The following IGHMBP2 variants were observed in gnomAD, a reference collection of about 807,000 sequenced individuals.
IGHMBP2 encodes the protein DNA-binding protein SMUBP-2.
In IGHMBP2, 81 loss-of-function variants were observed where a neutral mutation model predicts 96.0. The ratio of observed to expected loss-of-function variants is 0.84; its 90% CI spans 0.71 to 1.01. The LOEUF (loss-of-function observed/expected upper bound fraction) is 1.01, where lower values mean the gene tolerates loss of function less well. Ranked by LOEUF, IGHMBP2 falls within the 50% of genes least tolerant of loss-of-function variation. IGHMBP2 has a pLI of 0.00. For synonymous variants in IGHMBP2, 557 were observed against 548.9 expected (o/e 1.01, Z -0.21); for missense variants, 1,227 against 1,306.3 (o/e 0.94, Z 0.94).
chr11:68,939,466 TA>T (rs1859667031), intron 14 of IGHMBP2, 67 bp from the exon 15 acceptor site: 11 of 1,541,902 alleles, frequency 7.1e-6, no homozygotes, highest in Middle Eastern at 2.3e-4. Context: ...AGCTCTTTGA[TA>T]GGCAGAGCTG....
intron 8 of IGHMBP2, among the ~76,000 whole-genome samples, chr11:68,931,725 G>A (rs1182421857): frequency 6.6e-6 from 1 of 152,188 alleles, no homozygotes. Context: ...GAGGACAGGC[G>A]TGGGAGGACG....
intron 1 of IGHMBP2, among the ~76,000 whole-genome samples, chr11:68,904,727 G>T (rs1299204662): frequency 6.6e-6 from 1 of 151,838 alleles, no homozygotes; most frequent in Admixed American, 6.6e-5. Context: ...TAACACTTAC[G>T]TACTTTCCAT....
chr11:68,934,453 T>G lies in IGHMBP2; in HGVS notation c.1538-11T>G, dbSNP rs1308113419. 6.3e-7 allele frequency: 1 copy of G among 1,598,764 alleles called. No individual in the cohort carries two copies. Among genetic ancestry groups the G allele is most frequent in the East Asian group, 2.3e-5 (1 of 44,218 alleles). ...CCTTGTGCTGCTCACCCGTTCTTTC[T>G]TTCCCTCCAGGCGAAGTCCGCCTCG... is the stretch of plus-strand genomic sequence containing the variant. On this transcript the variant is annotated splice_polypyrimidine_tract_variant and intron_variant, in intron 10 of 14. Transcript: ENST00000255078.
chr11:68,912,281 G>A (rs1480037605), intron 5 of IGHMBP2, among the ~76,000 whole-genome samples: 5 of 151,968 alleles, frequency 3.3e-5, no homozygotes, highest in South Asian at 2.1e-4. Flanking sequence ...ATAGGCGTGC[G>A]CCACCATGCC....
At chr11:68,913,467 C>T (rs1858525090) in intron 5 of IGHMBP2, among the ~76,000 whole-genome samples, 1 of 151,986 alleles carries the variant, frequency 6.6e-6, no homozygotes, top group Admixed American at 6.5e-5. Flanking sequence ...ACTCTGCCTC[C>T]TCTGCTGGTT....
chr11:68,931,996 G>A (rs184528103), intron 8 of IGHMBP2, among the ~76,000 whole-genome samples: 84 of 146,710 alleles, frequency 5.7e-4, no homozygotes, highest in African/African-American at 2.0e-3. Context: ...GTTGGGTGGT[G>A]TTCCCTGGAG....
At chr11:68,936,173 G>T in intron 12 of IGHMBP2, 64 bp from the exon 13 acceptor site, 2 of 1,583,606 alleles carry the variant, frequency 1.3e-6, no homozygotes, top group Non-Finnish European at 1.7e-6. Flanking sequence ...TGATAAGGGC[G>T]TAGGAGCCTG....
intron 14 of IGHMBP2, among the ~76,000 whole-genome samples, chr11:68,938,566 G>A (rs1389127856): frequency 1.3e-5 from 2 of 152,240 alleles, no homozygotes; most frequent in African/African-American, 2.4e-5. Context: ...TTGCTGAGCT[G>A]CAGCCACGTT....
chr11:68,930,045 T>G, intron 8 of IGHMBP2: 1 of 1,098,464 alleles, frequency 9.1e-7, no homozygotes. Context: ...CGCTGGCCCC[T>G]CTGCCTGGAC....
At position 68,908,659 on chromosome 11, in the gene IGHMBP2, G is replaced by C. The variant is rs897961352; in HGVS notation, c.547+28G>C. 3.4e-6 allele frequency: 5 copies of C among 1,485,540 alleles called. No individual in the cohort carries two copies. In the African/African-American group the frequency reaches 5.5e-5, roughly 16 times the overall value. The allele number at this position is 1,485,540 out of a possible 1,614,324, so 92.0% of individuals were successfully genotyped here. ...AAGAACTTCTGAGTTTTCTTTTTTG[G>C]TTGAAATCACTACTGAAAGTATAGA... On this transcript the variant is annotated intron_variant, in intron 4 of 14. Transcript: ENST00000255078.
At chr11:68,930,340 C>CT (rs1233415564) in intron 8 of IGHMBP2, 1 of 1,289,710 alleles carries the variant, frequency 7.8e-7, no homozygotes, top group Non-Finnish European at 1.0e-6. Flanking sequence ...GAACTCGGAA[C>CT]TTTCGTTGTT....
intron 2 of IGHMBP2, among the ~76,000 whole-genome samples, chr11:68,906,926 G>A (rs1256340439): frequency 6.6e-6 from 1 of 152,010 alleles, no homozygotes; most frequent in African/African-American, 2.4e-5. Context: ...ACAGGTGTGA[G>A]CCAGTGCACC....
intron 7 of IGHMBP2, 139 bp downstream of exon 7, chr11:68,918,022 T>G: frequency 1.2e-6 from 1 of 824,284 alleles, no homozygotes; most frequent in East Asian, 2.7e-5. Context: ...AGGGAAGGCC[T>G]CCGTACCTGC....
rs766526224 is a variant in IGHMBP2 at position 68,938,277 on chromosome 11, A to G, written c.2707A>G (p.Thr903Ala). ...TAACACCTGCGGCTTTGCCAAGTGCACAGCCGGCGTCACAACCCTGGGCCA... is the reference window on the plus strand; with the variant it reads ...TAACACCTGCGGCTTTGCCAAGTGCGCAGCCGGCGTCACAACCCTGGGCCA... Reference protein sequence around the residue: ...ADNTCGFAKCTAGVTTLGQFC... With the variant: ...ADNTCGFAKCAAGVTTLGQFC... The change falls in exon 14 of 15, where the codon ACA becomes GCA. Residue 903 changes from threonine (T) to alanine (A), a missense_variant. Thr to Ala is a moderately conservative substitution (Grantham distance 58). Transcript: ENST00000255078. The G allele has an allele frequency of 1.5e-5, 24 of 1,613,760 alleles. No homozygotes were observed. The highest frequency in any genetic ancestry group is 1.9e-5 in the Non-Finnish European group (22 of 1,180,018).
intron 1 of IGHMBP2, among the ~76,000 whole-genome samples, chr11:68,904,797 C>G (rs9703985): frequency 1.2e-5 from 1 of 86,644 alleles, no homozygotes; most frequent in African/African-American, 3.9e-5. Flanking sequence ...TCTTTTTTTT[C>G]TTTTTCTTTT....
chr11:68,921,212 A>G (rs2154007699), intron 7 of IGHMBP2, among the ~76,000 whole-genome samples: 1 of 147,292 alleles, frequency 6.8e-6, no homozygotes, highest in South Asian at 2.1e-4. Flanking sequence ...AGTTCTCACT[A>G]TGCCCCATGA....
intron 7 of IGHMBP2, among the ~76,000 whole-genome samples, chr11:68,923,964 C>G (rs1294492462): frequency 6.6e-6 from 1 of 152,210 alleles, no homozygotes; most frequent in African/African-American, 2.4e-5. Flanking sequence ...CTTCTAGGTT[C>G]TACCTGGCTG....
At chr11:68,926,290 T>TA (rs1274560572) in intron 7 of IGHMBP2, 2 of 128,662 alleles carry the variant, frequency 1.6e-5, no homozygotes, top group Non-Finnish European at 3.2e-5. Context: ...TTTTTTTTTT[T>TA]AGATGGAGTC....
Position 68,904,023 on chromosome 11 carries a change from A to T in IGHMBP2, c.71A>T (p.Glu24Val). ...CTGCTGGAGCTTGAGAGAGACGCGG[A>T]GGTGGAGGAGCGCAGGTACGGGAGG... ...LDLLELERDA[E>V]VEERRSWQEN... The change falls in exon 1 of 15, where the codon GAG becomes GTG. Residue 24 changes from glutamate to valine, a missense_variant. Coordinates refer to ENST00000255078, the MANE Select transcript of IGHMBP2 (RefSeq NM_002180.3). The T allele has an allele frequency of 6.5e-7, 1 of 1,549,678 alleles. No individual in the cohort carries two copies. Among genetic ancestry groups the T allele is most frequent in the Non-Finnish European group, 8.7e-7 (1 of 1,146,442 alleles).
Sources: allele counts gnomAD v4.1 joint callset (sites outside exome capture counted in the v4.1 genomes callset), GRCh38; gene constraint gnomAD v4.1.1; transcripts MANE v1.5; gene names NCBI Gene and HGNC (gene_info 2026-07-23, HGNC 2026-07-21).